Variants in AKAP13 observed in about 807,000 individuals in gnomAD.
AKAP13 encodes the protein A-kinase anchor protein 13.
Under a neutral mutation model 264.5 loss-of-function variants are expected in AKAP13, and 80 were observed. That is an observed-to-expected ratio of 0.30 (90% CI 0.25 to 0.36). The LOEUF (loss-of-function observed/expected upper bound fraction) is 0.36, where lower values mean the gene tolerates loss of function less well. AKAP13 is among the 10% of genes least tolerant of loss of function. AKAP13 has a pLI of 1.00. For synonymous variants in AKAP13, 1,380 were observed against 1,250.2 expected (o/e 1.10, Z -2.19); for missense variants, 3,712 against 3,435.2 (o/e 1.08, Z -2.01).
Position 85,748,341 on chromosome 15 carries a change from T to C in AKAP13, c.*3664T>C, listed in dbSNP as rs2151798878. ...ATGTGCACCCTCTGCGTTTTGGATG[T>C]CCTTGGAATGTGGGAGCCTAGAAAT... On this transcript the variant is annotated 3_prime_UTR_variant, in exon 37 of 37. Transcript: ENST00000394518. 3.3e-5 allele frequency: 5 copies of C among 152,340 alleles called. No homozygotes were observed. In the South Asian group the frequency reaches 1.0e-3, roughly 32 times the overall value. The allele number at this position is 152,340 out of a possible 1,614,324, so 9.4% of individuals were successfully genotyped here.
At chr15:85,686,741 A>G (rs529391988) in intron 16 of AKAP13, among the ~76,000 whole-genome samples, 2 of 152,346 alleles carry the variant, frequency 1.3e-5, no homozygotes, top group Non-Finnish European at 2.9e-5. Context: ...GTTGGTATCA[A>G]CAAAAGAAAA....
At chr15:85,556,387 G>A (rs1431731520) in intron 5 of AKAP13, among the ~76,000 whole-genome samples, 1 of 152,086 alleles carries the variant, frequency 6.6e-6, no homozygotes, top group Non-Finnish European at 1.5e-5. Flanking sequence ...TAACATCATT[G>A]AGTGATAGGA....
At chr15:85,649,627 G>A (rs565517568) in intron 10 of AKAP13, among the ~76,000 whole-genome samples, 3 of 152,078 alleles carry the variant, frequency 2.0e-5, no homozygotes, top group Non-Finnish European at 2.9e-5. Flanking sequence ...AACGTTTGTC[G>A]TGACCTTTTC....
At chr15:85,690,901 T>G (rs2085246511) in intron 16 of AKAP13, among the ~76,000 whole-genome samples, 1 of 152,376 alleles carries the variant, frequency 6.6e-6, no homozygotes, top group South Asian at 2.1e-4. Context: ...TCTCTTCAGA[T>G]GTAAAATGGA....
intron 8 of AKAP13, among the ~76,000 whole-genome samples, chr15:85,630,309 T>C (rs1005953757): frequency 3.3e-5 from 5 of 149,832 alleles, no homozygotes; most frequent in Non-Finnish European, 7.4e-5. Flanking sequence ...TCCGGCCCAG[T>C]GTCTCTGTAT....
At chr15:85,591,838 G>T (rs1023407493) in intron 8 of AKAP13, among the ~76,000 whole-genome samples, 1 of 152,058 alleles carries the variant, frequency 6.6e-6, no homozygotes, top group African/African-American at 2.4e-5. Context: ...CTTTGCATAA[G>T]CTTATTAGCC....
At chr15:85,385,326 A>G (rs183899165) in intron 1 of AKAP13, among the ~76,000 whole-genome samples, 2 of 152,242 alleles carry the variant, frequency 1.3e-5, no homozygotes, top group South Asian at 2.1e-4. Context: ...GAGTAAAATT[A>G]AAGTTCACTC....
intron 16 of AKAP13, among the ~76,000 whole-genome samples, chr15:85,691,116 G>A (rs2085259455): frequency 6.6e-6 from 1 of 152,162 alleles, no homozygotes; most frequent in Non-Finnish European, 1.5e-5. Flanking sequence ...AGAAGACATT[G>A]ATTCAAAATG....
At position 85,579,794 on chromosome 15, in the gene AKAP13, G is replaced by A; in HGVS notation, c.1726G>A (p.Glu576Lys). The A allele has an allele frequency of 6.2e-7, 1 of 1,614,184 alleles. No homozygotes were observed. Among genetic ancestry groups the A allele is most frequent in the Non-Finnish European group, 8.5e-7 (1 of 1,180,034 alleles). ...AACGGAAACTTCACGAAGTCGTGAG[G>A]AGAGTGCTGATGCTCCAGTAGATCA... ...AETETSRSRE[E>K]SADAPVDQNS... The change falls in exon 7 of 37, where the codon GAG becomes AAG. Residue 576 changes from glutamate (E) to lysine (K), a missense_variant. Glu to Lys is a moderately conservative substitution (Grantham distance 56). Around this residue, in one of 3 missense-constraint regions of AKAP13, gnomAD observed 2,759 missense variants for 2,411.7 expected, o/e 1.14. Transcript: ENST00000394518.
chr15:85,740,615 C>T (rs1036178454), intron 34 of AKAP13: 2 of 341,144 alleles, frequency 5.9e-6, no homozygotes, highest in Admixed American at 8.8e-5. Flanking sequence ...AATAGAGTGG[C>T]CTTCCTAATA....
chr15:85,485,222 G>T (rs1403307620), intron 1 of AKAP13, among the ~76,000 whole-genome samples: 1 of 152,156 alleles, frequency 6.6e-6, no homozygotes, highest in Non-Finnish European at 1.5e-5. Context: ...TTAGTGGTTA[G>T]AGAGGCAAGC....
chr15:85,434,302 C>T (rs2073165891), intron 1 of AKAP13, among the ~76,000 whole-genome samples: 1 of 152,244 alleles, frequency 6.6e-6, no homozygotes, highest in African/African-American at 2.4e-5. Context: ...ATATCCCACA[C>T]CTGGCTCGGA....
chr15:85,656,773 G>A (rs912437982), intron 11 of AKAP13, among the ~76,000 whole-genome samples: 1 of 152,166 alleles, frequency 6.6e-6, no homozygotes. Flanking sequence ...ACTGCTGGCT[G>A]GCTAGACAAA....
intron 4 of AKAP13, among the ~76,000 whole-genome samples, chr15:85,540,424 G>C (rs528605690): frequency 2.6e-5 from 4 of 152,126 alleles, no homozygotes. Context: ...TTATTATGAC[G>C]ACAAGGATGG....
At chr15:85,588,685 TGA>T (rs555099392) in intron 8 of AKAP13, among the ~76,000 whole-genome samples, 26 of 152,324 alleles carry the variant, frequency 1.7e-4, no homozygotes, top group Middle Eastern at 3.4e-3. Context: ...TTTTAAGAGT[TGA>T]GAGAGTGAAT....
At chr15:85,699,729 A>G (rs1002998657) in intron 17 of AKAP13, among the ~76,000 whole-genome samples, 14 of 152,244 alleles carry the variant, frequency 9.2e-5, no homozygotes, top group Non-Finnish European at 1.8e-4. Context: ...TGAGAATTTA[A>G]TGGACAAAGC....
chr15:85,389,994 T>G (rs2070773554), intron 1 of AKAP13: 2 of 152,246 alleles, frequency 1.3e-5, no homozygotes, highest in Admixed American at 1.3e-4. Context: ...GCTGGCTCTT[T>G]CAGGTGCATT....
intron 1 of AKAP13, among the ~76,000 whole-genome samples, chr15:85,409,588 C>G (rs1420467284): frequency 3.3e-5 from 5 of 150,426 alleles, no homozygotes; most frequent in Non-Finnish European, 7.4e-5. Flanking sequence ...GTTGCCTTTT[C>G]ACTCTGTTGA....
At chr15:85,660,576 A>C (rs1372976636) in intron 12 of AKAP13, among the ~76,000 whole-genome samples, 1 of 152,112 alleles carries the variant, frequency 6.6e-6, no homozygotes, top group African/African-American at 2.4e-5. Flanking sequence ...TCTAAAAAAG[A>C]AGTTGGATAT....
Sources: gnomAD v4.1 joint callset for allele counts (sites outside exome capture counted in the v4.1 genomes callset) on GRCh38, gnomAD v4.1.1 for gene constraint, gnomAD v4.1.1 regional missense constraint, MANE v1.5 for transcripts, NCBI Gene and HGNC (gene_info 2026-07-23, HGNC 2026-07-21) for gene names.